Variants in KIAA1586 observed in about 807,000 individuals in gnomAD.
KIAA1586 encodes E3 SUMO-protein ligase KIAA1586.
A neutral mutation model predicts 6.1 loss-of-function variants in KIAA1586; 5 were observed. The ratio of observed to expected loss-of-function variants is 0.82; its 90% CI spans 0.43 to 1.73. The LOEUF is 1.73. KIAA1586 is among the 40% of genes most tolerant of loss of function. The pLI is 0.02. For missense variants in KIAA1586, 899 were observed against 878.2 expected, an observed-to-expected ratio of 1.02 and a Z score of -0.30; for synonymous variants, 280 against 301.7, an observed-to-expected ratio of 0.93 and a Z score of 0.75.
At chr6:57,051,666 G>T (rs1307296856) in intron 3 of KIAA1586, among the ~76,000 whole-genome samples, 1 of 152,040 alleles carries the variant, frequency 6.6e-6, no homozygotes, top group African/African-American at 2.4e-5. Flanking sequence ...AGGCATGGTG[G>T]CTCACACCTG....
Position 57,054,630 on chromosome 6 carries a change from T to C in KIAA1586, c.2131T>C (p.Phe711Leu), listed in dbSNP as rs776015654. The change falls in exon 4 of 4, where the codon TTC (phenylalanine) becomes CTC (leucine). Residue 711 changes from phenylalanine to leucine, a missense_variant. Coordinates refer to ENST00000370733, the MANE Select transcript of KIAA1586 (RefSeq NM_020931.4). ...CAATAGTGCTGAAGCTGAAAGGGGT[T>C]TCAATTTAATGAACATAATTTGTAC... ...AINSAEAERG[F>L]NLMNIICTRV... The C allele has an allele frequency of 6.3e-7, 1 of 1,588,400 alleles. No individual in the cohort carries two copies. Among genetic ancestry groups the C allele is most frequent in the South Asian group, 1.1e-5 (1 of 88,386 alleles).
chr6:57,062,008 T>G, the KIAA1586 span, among the ~76,000 whole-genome samples: 1 of 151,914 alleles, frequency 6.6e-6, no homozygotes, highest in East Asian at 1.9e-4. Context: ...CTTGGCTTAC[T>G]GCAACCTCCA....
chr6:57,060,244 T>G, the KIAA1586 span, among the ~76,000 whole-genome samples: 2 of 152,138 alleles, frequency 1.3e-5, no homozygotes, highest in Admixed American at 6.5e-5. Context: ...TCCCTCATAA[T>G]TGCCGGATGC....
intron 3 of KIAA1586, 29 bp downstream of exon 3, chr6:57,050,883 GT>G (rs1562569633): frequency 1.3e-6 from 2 of 1,512,948 alleles, no homozygotes; most frequent in Non-Finnish European, 1.8e-6. Flanking sequence ...TGTTTGTTCA[GT>G]TTTCTTATTA....
chr6:57,066,330 G>A, the KIAA1586 span, among the ~76,000 whole-genome samples: 1 of 151,978 alleles, frequency 6.6e-6, no homozygotes, highest in South Asian at 2.1e-4. Flanking sequence ...TTTTCTGATT[G>A]TTTCCTTTTT....
At chr6:57,066,504 T>C in the KIAA1586 span, among the ~76,000 whole-genome samples, 3 of 152,202 alleles carry the variant, frequency 2.0e-5, no homozygotes, top group Non-Finnish European at 4.4e-5. Context: ...AACAGTCTGA[T>C]ACTGAGTCTT....
At chr6:57,049,970 T>TA (rs1295605691) in intron 2 of KIAA1586, among the ~76,000 whole-genome samples, 3 of 151,728 alleles carry the variant, frequency 2.0e-5, no homozygotes, top group Non-Finnish European at 2.9e-5. Flanking sequence ...TCATTTCAGT[T>TA]AAAAAAAATT....
At chr6:57,061,149 T>TAAA in the KIAA1586 span, among the ~76,000 whole-genome samples, 1 of 151,716 alleles carries the variant, frequency 6.6e-6, no homozygotes, top group East Asian at 2.0e-4. Flanking sequence ...AGCTAATTTT[T>TAAA]TTATTTTTAG....
At chr6:57,057,743 CTCCAAGT>C (rs1224678084), downstream of KIAA1586, among the ~76,000 whole-genome samples, 1 of 151,370 alleles carries the variant, frequency 6.6e-6, no homozygotes, top group African/African-American at 2.4e-5. Context: ...CGGAGCAAGA[CTCCAAGT>C]CAAAAAAAAA....
At chr6:57,061,849 T>C in the KIAA1586 span, among the ~76,000 whole-genome samples, 4 of 151,918 alleles carry the variant, frequency 2.6e-5, no homozygotes, top group Admixed American at 2.0e-4. Context: ...AAGTTAACAA[T>C]ATCACAAAAC....
chr6:57,050,800 A>T lies in KIAA1586; in HGVS notation c.132A>T (p.Glu44Asp). 6.2e-7 allele frequency: 1 copy of T among 1,613,548 alleles called. No individual in the cohort carries two copies. Among genetic ancestry groups the T allele is most frequent in the Non-Finnish European group, 8.5e-7 (1 of 1,179,510 alleles). ...VSEGPSRPVLEYIDLVCGDDE... is the reference protein window; with the variant it reads ...VSEGPSRPVLDYIDLVCGDDE... ...AAGGACCATCGAGACCTGTTCTTGA[A>T]TACATCGATCTGGTCTGTGGTGATG... Residue 44 changes from glutamate to aspartate, a missense_variant, in exon 3 of 4, where the codon GAA (glutamate) becomes GAT (aspartate). Transcript: ENST00000370733.
chr6:57,065,249 T>C, the KIAA1586 span, among the ~76,000 whole-genome samples: 1 of 152,128 alleles, frequency 6.6e-6, no homozygotes, highest in African/African-American at 2.4e-5. Flanking sequence ...CTTCTATATT[T>C]TGTTCCTAAT....
At chr6:57,046,817 A>G in intron 1 of KIAA1586, 41 bp downstream of exon 1, 2 of 1,603,154 alleles carry the variant, frequency 1.2e-6, no homozygotes, top group South Asian at 2.2e-5. Context: ...TCAGAGGCGA[A>G]CCGCGAAGGG....
At position 57,054,272 on chromosome 6, in the gene KIAA1586, A is replaced by G. The variant is rs369601360; in HGVS notation, c.1773A>G (p.Pro591=). 5.0e-6 allele frequency: 8 copies of G among 1,584,246 alleles called. No individual in the cohort carries two copies. Among genetic ancestry groups the G allele is most frequent in the South Asian group, 1.1e-5 (1 of 87,034 alleles). Residue 591 remains proline (P), a synonymous_variant, in exon 4 of 4, where the codon CCA becomes CCG. Transcript: ENST00000370733. ...AGTCAGATAAGTTTAAAGATATTCC[A>G]TTTAATAAAAACAATAAATTTAATG... ...LIKSDKFKDI[P]FNKNNKFNAL...
Position 57,052,886 on chromosome 6 carries a change from T to C in KIAA1586, c.387T>C (p.Asp129=). The change falls in exon 4 of 4, where the codon GAT becomes GAC. Residue 129 remains aspartate (D), a synonymous_variant. Transcript: ENST00000370733. ...CACTTTCATCAAAGAAAGAAATAGA[T>C]AATCTTGTGCTTCCAGATTGTTGGA... ...KPSLSSKKEI[D]NLVLPDCWNE... is the part of the protein sequence containing the mutation. The C allele has an allele frequency of 6.2e-7, 1 of 1,612,916 alleles. No homozygotes were observed. Among genetic ancestry groups the C allele is most frequent in the Admixed American group, 1.7e-5 (1 of 59,708 alleles).
rs142894234 is a variant in KIAA1586 at position 57,051,293 on chromosome 6, A to C, written c.186+439A>C. On this transcript the variant is annotated intron_variant, in intron 3 of 3. Transcript: ENST00000370733. ...GGAATTTTGTGAGCTGATTGTAAAC[A>C]TAACAGTTATTACAAATTAAAGTAT... Among the ~76,000 whole-genome samples the C allele has an allele frequency of 5.8e-3, 888 of 151,804 alleles. 8 individuals carry two copies. The highest frequency in any genetic ancestry group is 0.014 in the Middle Eastern group (4 of 294).
chr6:57,055,738 AAG>A (rs1828488415), downstream of KIAA1586, among the ~76,000 whole-genome samples: 1 of 152,212 alleles, frequency 6.6e-6, no homozygotes, highest in Non-Finnish European at 1.5e-5. Context: ...CATACTGAAA[AAG>A]AATCAAGTGG....
chr6:57,061,598 C>T, the KIAA1586 span, among the ~76,000 whole-genome samples: 2 of 152,036 alleles, frequency 1.3e-5, no homozygotes, highest in Non-Finnish European at 2.9e-5. Context: ...TTCTGTTGCC[C>T]AGGCTGCTCT....
At chr6:57,058,332 G>C (rs765640331), downstream of KIAA1586, among the ~76,000 whole-genome samples, 1 of 152,110 alleles carries the variant, frequency 6.6e-6, no homozygotes, top group Non-Finnish European at 1.5e-5. Context: ...ATTGTCACTT[G>C]TTGGGTTCAA....
Sources: gnomAD v4.1 joint callset for allele counts (sites outside exome capture counted in the v4.1 genomes callset) on GRCh38, gnomAD v4.1.1 for gene constraint, MANE v1.5 for transcripts, NCBI Gene and HGNC (gene_info 2026-07-23, HGNC 2026-07-21) for gene names.